Variants in ERBB2 observed in about 807,000 individuals in gnomAD.
ERBB2 encodes the protein erb-b2 receptor tyrosine kinase 2.
In ERBB2, 61 loss-of-function variants were observed where a neutral mutation model predicts 149.0. The ratio of observed to expected loss-of-function variants is 0.41; its 90% CI spans 0.33 to 0.51. The LOEUF is 0.51. Ranked by LOEUF, ERBB2 falls within the 20% of genes least tolerant of loss-of-function variation. ERBB2 has a pLI of 0.25. For synonymous variants in ERBB2, 633 were observed against 678.8 expected (o/e 0.93, Z 1.05); for missense variants, 1,205 against 1,655.1 (o/e 0.73, Z 4.72).
intron 1 of ERBB2, among the ~76,000 whole-genome samples, chr17:39,702,865 C>T: frequency 6.6e-6 from 1 of 152,210 alleles, no homozygotes; most frequent in East Asian, 1.9e-4. Context: ...CTCCCAGCTA[C>T]CCAGTAATGT....
Position 39,715,938 on chromosome 17 carries a change from T to A in ERBB2, c.1512T>A (p.Cys504Ter). 1 of 1,608,122 alleles carries A rather than the reference T, an allele frequency of 6.2e-7. No individual in the cohort carries two copies. Residue 504 changes from cysteine (C) to a stop codon, truncating the protein, a stop_gained and splice_region_variant, in exon 12 of 27, where the codon TGT (cysteine) becomes TGA (stop). Transcript: ENST00000269571. LOFTEE classifies it high-confidence loss of function. ...LHTANRPEDECVGEGLACHQL... is the reference protein window; with the variant it reads ...LHTANRPEDE ...CTGCCAACCGGCCAGAGGACGAGTG[T>A]GGTAAGACAGGGAGCCCAGTGTGCG...
At chr17:39,691,934 C>CATATATATATATATATATATAT (rs57592884), upstream of ERBB2, among the ~76,000 whole-genome samples, 20 of 120,850 alleles carry the variant, frequency 1.7e-4, no homozygotes, top group African/African-American at 6.5e-4. Flanking sequence ...TATACATATA[C>CATATATATATATATATATATAT]ATATATATAT....
Position 39,716,305 on chromosome 17 carries a change from C to T in ERBB2, c.1518C>T (p.Gly506=), listed in dbSNP as rs1406568130. The T allele has an allele frequency of 3.1e-6, 5 of 1,587,556 alleles. No individual in the cohort carries two copies. The highest frequency in any genetic ancestry group is 2.7e-5 in the African/African-American group (2 of 74,060). ...GTCCCTTCCTCCTCACTGCAGTGGG[C>T]GAGGGCCTGGCCTGCCACCAGCTGT... The part of the protein sequence containing the change: ...TANRPEDECV[G]EGLACHQLCA... The change falls in exon 13 of 27, where the codon GGC becomes GGT. Residue 506 remains glycine, a synonymous_variant. Transcript: ENST00000269571.
chr17:39,701,070 C>T (rs1318095849), intron 1 of ERBB2, among the ~76,000 whole-genome samples: 1 of 151,926 alleles, frequency 6.6e-6, no homozygotes, highest in Non-Finnish European at 1.5e-5. Context: ...GAGAAGGAAG[C>T]TAAGAAATAA....
intron 11 of ERBB2, 90 bp downstream of exon 11, chr17:39,715,626 A>G: frequency 1.3e-6 from 2 of 1,542,322 alleles, no homozygotes; most frequent in Non-Finnish European, 1.8e-6. Flanking sequence ...GTACTCCTGT[A>G]GCAGTAACCT....
At position 39,727,510 on chromosome 17, in the gene ERBB2, T is replaced by C. The variant is rs148211805; in HGVS notation, c.3375T>C (p.Asp1125=). ...CAGTACCCCTGCCCTCTGAGACTGA[T>C]GGCTACGTTGCCCCCCTGACCTGCA... The part of the protein sequence containing the change: ...DPTVPLPSET[D]GYVAPLTCSP... The change falls in exon 26 of 27, where the codon GAT becomes GAC. Residue 1125 remains aspartate, a synonymous_variant. Coordinates refer to ENST00000269571, the MANE Select transcript of ERBB2 (RefSeq NM_004448.4). The surrounding 1 kb of genome is among the most constrained non-coding windows in gnomAD (Gnocchi z 4.3). The C allele has an allele frequency of 2.5e-6, 4 of 1,607,686 alleles. No homozygotes were observed. In the South Asian group the frequency reaches 4.4e-5, roughly 18 times the overall value.
chr17:39,693,726 C>G (rs1020305418), upstream of ERBB2, among the ~76,000 whole-genome samples: 1 of 150,642 alleles, frequency 6.6e-6, no homozygotes, highest in Admixed American at 6.6e-5. Context: ...CCGTTGCATT[C>G]CAGCCTGGAC....
In ERBB2 at chr17:39,727,943, T is replaced by C; in HGVS notation, c.3667T>C (p.Trp1223Arg). 1 of 1,614,106 alleles carries C rather than the reference T, an allele frequency of 6.2e-7. No homozygotes were observed. Among genetic ancestry groups the C allele is most frequent in the South Asian group, 1.1e-5 (1 of 91,082 alleles). Residue 1223 changes from tryptophan to arginine, a missense_variant, in exon 27 of 27, where the codon TGG becomes CGG. Around this residue, in one of 6 missense-constraint regions of ERBB2, gnomAD observed 312 missense variants for 343.8 expected, o/e 0.91. Transcript: ENST00000269571. This position sits in a 1 kb window ranked among gnomAD's most constrained non-coding sequence, Gnocchi z 4.3. Reference protein sequence around the residue: ...FSPAFDNLYYWDQDPPERGAP... With the variant: ...FSPAFDNLYYRDQDPPERGAP... Reference sequence around the variant, plus strand: ...CCCAGCCTTCGACAACCTCTATTACTGGGACCAGGACCCACCAGAGCGGGG... The same window carrying C: ...CCCAGCCTTCGACAACCTCTATTACCGGGACCAGGACCCACCAGAGCGGGG...
chr17:39,715,986 A>T (rs200549593), intron 12 of ERBB2, 47 bp downstream of exon 12: 1 of 1,565,628 alleles, frequency 6.4e-7, no homozygotes, highest in Non-Finnish European at 8.7e-7. Context: ...GCCAGCACAC[A>T]GCAGTGCCCA....
chr17:39,701,651 T>C (rs1471562567), intron 1 of ERBB2, among the ~76,000 whole-genome samples: 1 of 152,000 alleles, frequency 6.6e-6, no homozygotes, highest in Non-Finnish European at 1.5e-5. Flanking sequence ...GTTCCTCAGT[T>C]GTGTGGTCTT....
At chr17:39,716,222 C>T (rs2145669430) in intron 12 of ERBB2, 79 bp from the exon 13 acceptor site, 1 of 1,463,664 alleles carries the variant, frequency 6.8e-7, no homozygotes. Flanking sequence ...CACAGCCATG[C>T]CCACAGCCAG....
At chr17:39,719,926 C>G (rs4252639) in intron 16 of ERBB2, 92 bp downstream of exon 16, 35,119 of 1,190,810 alleles carry the variant, frequency 0.029, 1,142 homozygotes, top group African/African-American at 0.14. Flanking sequence ...GACCCCCTGA[C>G]ATATGTCCCT....
intron 15 of ERBB2, among the ~76,000 whole-genome samples, chr17:39,717,986 G>T (rs1368023976): frequency 1.3e-5 from 2 of 152,130 alleles, no homozygotes; most frequent in Non-Finnish European, 2.9e-5. Flanking sequence ...GCTAATTTTT[G>T]TATTTTTAGT....
chr17:39,728,035 GC>G lies in ERBB2; in HGVS notation c.3761del (p.Pro1254GlnfsTer48). 6.3e-7 allele frequency: 1 copy of G among 1,586,580 alleles called. No individual in the cohort carries two copies. ...ACCCAGAGTACCTGGGTCTGGACGT[GC>G]CAGTGTGAACCAGAAGGCCAAGTCC... ...ENPEYLGLDV[P>X]V On this transcript the variant is annotated frameshift_variant, in exon 27 of 27. Transcript: ENST00000269571. LOFTEE classifies it high-confidence loss of function.
upstream of ERBB2, among the ~76,000 whole-genome samples, chr17:39,691,387 C>T (rs796126406): frequency 5.3e-5 from 8 of 151,294 alleles, no homozygotes; most frequent in African/African-American, 1.7e-4. Context: ...ACTAAAAATA[C>T]AAAAAAATTA....
At chr17:39,691,574 T>TATATATATATATATATATACACACAC (rs1244087250), upstream of ERBB2, among the ~76,000 whole-genome samples, 2 of 122,044 alleles carry the variant, frequency 1.6e-5, no homozygotes, top group African/African-American at 7.9e-5. Flanking sequence ...TATATATATA[T>TATATATATATATATATATACACACAC]ACACACACAC....
chr17:39,712,957 AGAGATCAGAAC>A (rs1403776636), intron 9 of ERBB2, among the ~76,000 whole-genome samples: 1 of 152,152 alleles, frequency 6.6e-6, no homozygotes, highest in Non-Finnish European at 1.5e-5. Context: ...CTGTGGTGGG[AGAGATCAGAAC>A]GGTGGTTGCC....
upstream of ERBB2, among the ~76,000 whole-genome samples, chr17:39,694,241 A>G (rs1355964124): frequency 1.1e-3 from 25 of 22,032 alleles, no homozygotes; most frequent in African/African-American, 2.7e-3. Context: ...ATATATATAT[A>G]TATATATATA....
upstream of ERBB2, chr17:39,694,736 A>G (rs1255375559): frequency 5.3e-5 from 8 of 152,172 alleles, no homozygotes; most frequent in African/African-American, 1.9e-4. Context: ...GCCCTCATTC[A>G]TACCCCAGTG....
Sources: gnomAD v4.1 joint callset for allele counts (sites outside exome capture counted in the v4.1 genomes callset) on GRCh38, gnomAD v4.1.1 for gene constraint, gnomAD v4.1.1 regional missense constraint, Gnocchi (gnomAD v3.1) non-coding constraint, MANE v1.5 for transcripts, NCBI Gene and HGNC (gene_info 2026-07-23, HGNC 2026-07-21) for gene names.